The following UNC5D variants were observed in gnomAD, a reference collection of about 807,000 sequenced individuals.
The protein encoded by UNC5D is netrin receptor UNC5D.
In UNC5D, 39 loss-of-function variants were observed where a neutral mutation model predicts 105.4. The observed-to-expected ratio is 0.37, with a 90% CI of 0.29 to 0.48. The LOEUF is 0.48. UNC5D is among the 20% of genes least tolerant of loss of function. The pLI, the probability that UNC5D is intolerant of heterozygous loss-of-function variation, is 0.98. For missense variants in UNC5D, 991 were observed against 1,202.4 expected (o/e 0.82, Z 2.60); for synonymous variants, 452 against 450.4 (o/e 1.00, Z -0.04).
chr8:35,696,355 A>G (rs1300082549), intron 7 of UNC5D, among the ~76,000 whole-genome samples: 1 of 148,130 alleles, frequency 6.8e-6, no homozygotes, highest in Non-Finnish European at 1.5e-5. Flanking sequence ...GGATGTTTCC[A>G]AAGTTTAGGC....
intron 1 of UNC5D, among the ~76,000 whole-genome samples, chr8:35,400,428 A>G (rs142457065): frequency 1.3e-5 from 2 of 152,274 alleles, no homozygotes; most frequent in African/African-American, 4.8e-5. Context: ...GCTCCTCATT[A>G]TCCCGGATTA....
chr8:35,308,249 A>T (rs1181694572), intron 1 of UNC5D, among the ~76,000 whole-genome samples: 1 of 151,826 alleles, frequency 6.6e-6, no homozygotes, highest in African/African-American at 2.4e-5. Flanking sequence ...TCAGCAAGTA[A>T]TTAACAAGGC....
intron 1 of UNC5D, among the ~76,000 whole-genome samples, chr8:35,399,753 G>A (rs936240566): frequency 6.6e-6 from 1 of 152,156 alleles, no homozygotes; most frequent in Non-Finnish European, 1.5e-5. Context: ...TGGTGTGGAT[G>A]TAGTTGATTG....
intron 1 of UNC5D, among the ~76,000 whole-genome samples, chr8:35,252,368 C>T (rs1803766025): frequency 6.6e-6 from 1 of 152,068 alleles, no homozygotes; most frequent in African/African-American, 2.4e-5. Context: ...CTCCTTTAAC[C>T]CATTTTTCTG....
intron 1 of UNC5D, among the ~76,000 whole-genome samples, chr8:35,289,514 G>A (rs1806874150): frequency 6.6e-6 from 1 of 152,118 alleles, no homozygotes; most frequent in Non-Finnish European, 1.5e-5. Flanking sequence ...TAATAAATAT[G>A]TACAGAACAT....
At chr8:35,764,586 A>C in intron 14 of UNC5D, among the ~76,000 whole-genome samples, 1 of 152,246 alleles carries the variant, frequency 6.6e-6, no homozygotes, top group East Asian at 1.9e-4. Flanking sequence ...TACTGTAGGC[A>C]TTGCAGGAGG....
At chr8:35,419,602 C>T (rs1037660929) in intron 1 of UNC5D, among the ~76,000 whole-genome samples, 2 of 152,186 alleles carry the variant, frequency 1.3e-5, no homozygotes, top group Admixed American at 6.5e-5. Flanking sequence ...CTCTCCTTTC[C>T]ACCACCCACA....
At chr8:35,701,330 G>A (rs1005348821) in intron 7 of UNC5D, among the ~76,000 whole-genome samples, 2 of 152,154 alleles carry the variant, frequency 1.3e-5, no homozygotes, top group Admixed American at 6.5e-5. Context: ...GCAGCCCTCT[G>A]TCTGCAGCCC....
chr8:35,419,454 G>C, intron 1 of UNC5D, among the ~76,000 whole-genome samples: 1 of 152,170 alleles, frequency 6.6e-6, no homozygotes, highest in Non-Finnish European at 1.5e-5. Flanking sequence ...TTCCACCCTG[G>C]GTGCCAGCAT....
intron 4 of UNC5D, among the ~76,000 whole-genome samples, chr8:35,635,805 G>A (rs1258409253): frequency 6.6e-6 from 1 of 152,170 alleles, no homozygotes. Flanking sequence ...AAAGGAAAAG[G>A]GAAAAGAGTT....
intron 1 of UNC5D, among the ~76,000 whole-genome samples, chr8:35,497,680 A>G (rs917166802): frequency 1.1e-4 from 16 of 152,032 alleles, no homozygotes; most frequent in Middle Eastern, 3.4e-3. Flanking sequence ...GGGAATAATT[A>G]TGGCCTAGGT....
In UNC5D at chr8:35,402,302, C is replaced by T. The variant is rs118183279; in HGVS notation, c.104-146990C>T. ...GTTCAACGTGGCTGGGGAGGCCTCA[C>T]AGTCATGATGGAAGGTGAAAGGCAC... On this transcript the variant is annotated intron_variant, in intron 1 of 16. Transcript: ENST00000404895. Among the ~76,000 whole-genome samples the T allele has an allele frequency of 3.2e-3, 488 of 152,102 alleles. 2 individuals carry two copies. Among genetic ancestry groups the T allele is most frequent in the Middle Eastern group, 6.8e-3 (2 of 294 alleles).
intron 15 of UNC5D, among the ~76,000 whole-genome samples, chr8:35,770,015 G>C (rs1801941499): frequency 6.6e-6 from 1 of 152,050 alleles, no homozygotes; most frequent in African/African-American, 2.4e-5. Context: ...TTTGGTAAAT[G>C]GTTCCAGCAA....
At chr8:35,666,598 A>C (rs1824436766) in intron 4 of UNC5D, among the ~76,000 whole-genome samples, 1 of 152,176 alleles carries the variant, frequency 6.6e-6, no homozygotes, top group South Asian at 2.1e-4. Context: ...GATAGAAACA[A>C]ATAGAAAACC....
At chr8:35,528,476 T>C (rs1230861291) in intron 1 of UNC5D, among the ~76,000 whole-genome samples, 4 of 147,542 alleles carry the variant, frequency 2.7e-5, no homozygotes, top group African/African-American at 1.0e-4. Context: ...TTCCAAGTCT[T>C]TGCTATTGTG....
intron 1 of UNC5D, among the ~76,000 whole-genome samples, chr8:35,338,525 C>G (rs1459560553): frequency 1.3e-5 from 2 of 151,998 alleles, no homozygotes; most frequent in Admixed American, 1.3e-4. Context: ...TAGGTGTATA[C>G]TTATACTGAG....
chr8:35,463,161 A>G (rs1489811286), intron 1 of UNC5D, among the ~76,000 whole-genome samples: 1 of 152,152 alleles, frequency 6.6e-6, no homozygotes, highest in African/African-American at 2.4e-5. Context: ...CCCACAAACT[A>G]AAATCATGTC....
At chr8:35,266,708 G>T (rs909371853) in intron 1 of UNC5D, among the ~76,000 whole-genome samples, 1 of 152,210 alleles carries the variant, frequency 6.6e-6, no homozygotes, top group Non-Finnish European at 1.5e-5. Flanking sequence ...ATGCCTGGAA[G>T]TGACCAGAAT....
intron 1 of UNC5D, among the ~76,000 whole-genome samples, chr8:35,236,578 G>A (rs993017129): frequency 5.3e-5 from 8 of 152,174 alleles, no homozygotes; most frequent in Admixed American, 1.3e-4. Flanking sequence ...TTGGAAGCGC[G>A]GGCCCCACCG....
Sources: gnomAD v4.1 joint callset for allele counts (sites outside exome capture counted in the v4.1 genomes callset) on GRCh38, gnomAD v4.1.1 for gene constraint, MANE v1.5 for transcripts, NCBI Gene and HGNC (gene_info 2026-07-23, HGNC 2026-07-21) for gene names.